Variants in TAB2 observed in about 807,000 individuals in gnomAD.
TAB2 encodes the protein TGF-beta-activated kinase 1 and MAP3K7-binding protein 2.
In TAB2, 3 loss-of-function variants were observed where a neutral mutation model predicts 65.0. The observed-to-expected ratio is 0.05, with a 90% CI of 0.02 to 0.12. The LOEUF (loss-of-function observed/expected upper bound fraction) is 0.12, where lower values mean the gene tolerates loss of function less well. Ranked by LOEUF, TAB2 falls within the 10% of genes least tolerant of loss-of-function variation. The probability of loss-of-function intolerance (pLI) is 1.00; values close to 1 mark genes in which losing one functional copy is unlikely to be tolerated. For missense variants in TAB2, 623 were observed against 840.3 expected (o/e 0.74, Z 3.20); for synonymous variants, 298 against 285.1 (o/e 1.05, Z -0.46).
At chr6:149,255,810 A>G (rs566729895) in intron 1 of TAB2, among the ~76,000 whole-genome samples, 10 of 152,370 alleles carry the variant, frequency 6.6e-5, no homozygotes, top group African/African-American at 2.4e-4. Flanking sequence ...ATTTACATTT[A>G]GAATTGCCTC....
At position 149,226,330 on chromosome 6, in the gene TAB2, C is replaced by T. The variant is rs116069593; in HGVS notation, c.-121+7554C>T. Reference sequence around the variant, plus strand: ...AGAAGTGCGAGGACCCGCGTGCTTCCGCTCTTCAGTGACTCCAAAGAACGT... The same window carrying T: ...AGAAGTGCGAGGACCCGCGTGCTTCTGCTCTTCAGTGACTCCAAAGAACGT... On this transcript the variant is annotated intron_variant, in intron 1 of 1. Transcript: ENST00000606202. 9.2e-3 allele frequency among the ~76,000 whole-genome samples: 1,393 copies of T among 152,180 alleles called. 23 individuals carry two copies. Among genetic ancestry groups the T allele is most frequent in the African/African-American group, 0.032 (1,329 of 41,552 alleles).
chr6:149,272,927 C>T (rs1054054620), intron 1 of TAB2, among the ~76,000 whole-genome samples: 6 of 152,136 alleles, frequency 3.9e-5, no homozygotes, highest in Non-Finnish European at 5.9e-5. Context: ...GTGAACTGCA[C>T]GTGAGGGATC....
intron 1 of TAB2, among the ~76,000 whole-genome samples, chr6:149,236,432 C>G (rs1777496294): frequency 6.6e-6 from 1 of 152,184 alleles, no homozygotes; most frequent in Non-Finnish European, 1.5e-5. Flanking sequence ...GCCTCGATTT[C>G]TTTCCTGTTC....
rs78204918 is a variant in TAB2, at chr6:149,411,367, A to G, written c.*1648A>G. 3.3e-5 allele frequency: 5 copies of G among 152,724 alleles called. No homozygotes were observed. Among genetic ancestry groups the G allele is most frequent in the East Asian group, 1.9e-4 (1 of 5,182 alleles). 9.5% of individuals were successfully genotyped at this position (152,724 alleles called of 1,614,324 possible). ...TTTGTATATGGGAAGAAATATGACA[A>G]TCCTAGGTAATTAAACCATAGACCC... is the stretch of plus-strand genomic sequence containing the variant. On this transcript the variant is annotated 3_prime_UTR_variant, in exon 7 of 7. Coordinates refer to ENST00000637181, the MANE Select transcript of TAB2 (RefSeq NM_001292034.3).
At position 149,400,590 on chromosome 6, in the gene TAB2, A is replaced by G. The variant is rs143374045; in HGVS notation, c.1939+1406A>G. ...CAGATTCCGATTTGGTGGGCAACCAATCAGTGGAACAGACAAACCTGCACA... is the reference window on the plus strand; with the variant it reads ...CAGATTCCGATTTGGTGGGCAACCAGTCAGTGGAACAGACAAACCTGCACA... On this transcript the variant is annotated intron_variant, in intron 6 of 6. Coordinates refer to ENST00000637181, the MANE Select transcript of TAB2 (RefSeq NM_001292034.3). 2.2e-4 allele frequency: 355 copies of G among 1,614,250 alleles called. No homozygotes were observed. The highest frequency in any genetic ancestry group is 1.8e-3 in the Admixed American group (109 of 60,030).
chr6:149,347,971 A>G (rs916780938), intron 1 of TAB2, among the ~76,000 whole-genome samples: 2 of 152,240 alleles, frequency 1.3e-5, no homozygotes, highest in African/African-American at 2.4e-5. Context: ...TTAAAAAATT[A>G]TAGCATCATC....
intron 1 of TAB2, among the ~76,000 whole-genome samples, chr6:149,222,359 T>C (rs1413475187): frequency 6.6e-6 from 1 of 152,148 alleles, no homozygotes; most frequent in Non-Finnish European, 1.5e-5. Flanking sequence ...GGCTCATGCC[T>C]GTAATCCCAA....
Position 149,399,127 on chromosome 6 carries a change from A to G in TAB2, c.1882A>G (p.Ile628Val). 6.2e-7 allele frequency: 1 copy of G among 1,613,596 alleles called. No homozygotes were observed. The highest frequency in any genetic ancestry group is 1.7e-5 in the Admixed American group (1 of 60,020). The stretch of plus-strand genomic sequence containing the variant: ...AGGACCACATTTTAACCCCAGCGCT[A>G]TTCATAACTTTTATGACAATATTGG... Reference protein sequence around the residue: ...ARGPHFNPSAIHNFYDNIGFV... With the variant: ...ARGPHFNPSAVHNFYDNIGFV... The change falls in exon 6 of 7, where the codon ATT (isoleucine) becomes GTT (valine). Residue 628 changes from isoleucine to valine, a missense_variant. Ile to Val is a conservative substitution (Grantham distance 29). Around this residue, in one of 3 missense-constraint regions of TAB2, gnomAD observed 56 missense variants for 130.3 expected, o/e 0.43. Transcript: ENST00000637181.
intron 2 of TAB2, 69 bp downstream of exon 2, chr6:149,370,168 C>G (rs1019381387): frequency 7.6e-6 from 10 of 1,307,504 alleles, no homozygotes; most frequent in Non-Finnish European, 1.1e-5. Context: ...GGAAGAAAAA[C>G]TCTTTTAGGT....
chr6:149,359,465 T>G (rs1012166785), intron 1 of TAB2, among the ~76,000 whole-genome samples: 1 of 152,204 alleles, frequency 6.6e-6, no homozygotes, highest in Non-Finnish European at 1.5e-5. Context: ...TCTAGTGAAT[T>G]TCAGTTCTTG....
In TAB2 at chr6:149,336,291, A is replaced by G. The variant is rs573404697; in HGVS notation, c.-90+18276A>G. Among the ~76,000 whole-genome samples, 65 of 152,300 alleles carry G rather than the reference A, an allele frequency of 4.3e-4. 3 individuals are homozygous for G. The South Asian group carries it at 0.013, about 32-fold the overall frequency. On this transcript the variant is annotated intron_variant, in intron 1 of 6. Coordinates refer to ENST00000637181, the MANE Select transcript of TAB2 (RefSeq NM_001292034.3). ...GGTTCTTAATTAAATAGGAGTATCT[A>G]GGTTCTGATAGAGGTGAACTATAAG...
intron 1 of TAB2, among the ~76,000 whole-genome samples, chr6:149,250,132 C>G (rs1469517943): frequency 6.6e-6 from 1 of 151,982 alleles, no homozygotes; most frequent in African/African-American, 2.4e-5. Flanking sequence ...GAGGTAGGGG[C>G]AGGGGGTGGC....
chr6:149,331,882 C>A (rs1451943995), intron 1 of TAB2, among the ~76,000 whole-genome samples: 5 of 151,996 alleles, frequency 3.3e-5, no homozygotes, highest in African/African-American at 1.2e-4. Flanking sequence ...GGAGATAGAG[C>A]AAAGATTTAA....
At chr6:149,233,313 T>A (rs1010281375) in intron 1 of TAB2, among the ~76,000 whole-genome samples, 1 of 152,000 alleles carries the variant, frequency 6.6e-6, no homozygotes, top group Non-Finnish European at 1.5e-5. Flanking sequence ...CTCCTTGGCT[T>A]CTCCACTGAG....
chr6:149,365,742 A>G (rs1240218448), intron 1 of TAB2, among the ~76,000 whole-genome samples: 1 of 151,902 alleles, frequency 6.6e-6, no homozygotes, highest in Non-Finnish European at 1.5e-5. Context: ...ATCTCCAATT[A>G]CAAGTATGTT....
At chr6:149,245,061 G>C (rs1777682868) in intron 1 of TAB2, 2 of 152,216 alleles carry the variant, frequency 1.3e-5, no homozygotes, top group African/African-American at 4.8e-5. Flanking sequence ...TTGGGGCTGA[G>C]CTGGAGTTTA....
chr6:149,289,876 T>A (rs1426840015), intron 1 of TAB2, among the ~76,000 whole-genome samples: 3 of 152,054 alleles, frequency 2.0e-5, no homozygotes, highest in South Asian at 2.1e-4. Context: ...AAGGAACAAC[T>A]GGAAACATGT....
intron 1 of TAB2, among the ~76,000 whole-genome samples, chr6:149,227,509 G>T (rs1583032612): frequency 6.6e-6 from 1 of 152,082 alleles, no homozygotes; most frequent in Non-Finnish European, 1.5e-5. Flanking sequence ...ACGATGCCAG[G>T]CCACTGGCTA....
chr6:149,224,442 A>G (rs1185793919), intron 1 of TAB2, among the ~76,000 whole-genome samples: 1 of 152,138 alleles, frequency 6.6e-6, no homozygotes, highest in Non-Finnish European at 1.5e-5. Context: ...AACTCTTCCT[A>G]TCTGTACTGT....
Sources: gnomAD v4.1 joint callset for allele counts (sites outside exome capture counted in the v4.1 genomes callset) on GRCh38, gnomAD v4.1.1 for gene constraint, gnomAD v4.1.1 regional missense constraint, MANE v1.5 for transcripts, NCBI Gene and HGNC (gene_info 2026-07-23, HGNC 2026-07-21) for gene names.